The following CENPE variants were observed in gnomAD, a reference collection of about 807,000 sequenced individuals.
CENPE encodes the protein centromere protein E, also known as centromere-associated protein E.
In CENPE, 145 loss-of-function variants were observed where a neutral mutation model predicts 336.1. That is an observed-to-expected ratio of 0.43 (90% CI 0.38 to 0.50). The LOEUF is 0.50. CENPE is among the 20% of genes least tolerant of loss of function. The probability of loss-of-function intolerance (pLI) is 0.00; values close to 1 mark genes in which losing one functional copy is unlikely to be tolerated. For synonymous variants in CENPE, 1,013 were observed against 984.8 expected (o/e 1.03, Z -0.54); for missense variants, 2,719 against 3,023.3 (o/e 0.90, Z 2.36).
At chr4:103,177,857 C>T (rs1203793612) in intron 13 of CENPE, among the ~76,000 whole-genome samples, 1 of 152,006 alleles carries the variant, frequency 6.6e-6, no homozygotes, top group Non-Finnish European at 1.5e-5. Context: ...ACTCCAATAA[C>T]CTTCAGTTTA....
At chr4:103,158,228 T>C (rs1754122301) in intron 24 of CENPE, 72 bp downstream of exon 24, 3 of 1,087,990 alleles carry the variant, frequency 2.8e-6, no homozygotes, top group African/African-American at 1.6e-5. Flanking sequence ...GAGAATATTA[T>C]GCATTTAAGT....
chr4:103,139,218 C>A (rs1219863405), intron 38 of CENPE, among the ~76,000 whole-genome samples: 7 of 151,938 alleles, frequency 4.6e-5, no homozygotes, highest in Non-Finnish European at 7.4e-5. Context: ...AGTTCAGGCC[C>A]ACATAAAGAA....
At chr4:103,120,738 T>A (rs1750551684) in intron 43 of CENPE, among the ~76,000 whole-genome samples, 1 of 152,104 alleles carries the variant, frequency 6.6e-6, no homozygotes, top group East Asian at 1.9e-4. Flanking sequence ...TTTAATTTTA[T>A]TAATTTTTTT....
chr4:103,131,922 T>G (rs1199635036), intron 42 of CENPE, among the ~76,000 whole-genome samples: 4 of 152,158 alleles, frequency 2.6e-5, no homozygotes, highest in Non-Finnish European at 5.9e-5. Flanking sequence ...GTAAAAAGAT[T>G]AACAGTTGCC....
At chr4:103,155,962 T>C (rs1453349460) in intron 24 of CENPE, among the ~76,000 whole-genome samples, 1 of 152,028 alleles carries the variant, frequency 6.6e-6, no homozygotes, top group African/African-American at 2.4e-5. Flanking sequence ...CAATGAACGA[T>C]CCAAAGAAGA....
chr4:103,117,487 T>C (rs1750233489), intron 44 of CENPE, among the ~76,000 whole-genome samples: 1 of 152,066 alleles, frequency 6.6e-6, no homozygotes, highest in African/African-American at 2.4e-5. Context: ...CCCTGGCAAC[T>C]GTTTATTTTT....
chr4:103,146,143 AG>A (rs1452322690), intron 29 of CENPE, 36 bp from the exon 30 acceptor site: 3 of 1,575,418 alleles, frequency 1.9e-6, no homozygotes, highest in Non-Finnish European at 2.6e-6. Context: ...GTTGATATCC[AG>A]AGATATTGTG....
At chr4:103,160,371 A>G (rs1306197860) in intron 21 of CENPE, among the ~76,000 whole-genome samples, 1 of 152,000 alleles carries the variant, frequency 6.6e-6, no homozygotes, top group Non-Finnish European at 1.5e-5. Context: ...AGGACTACAG[A>G]AATGGCTGCT....
In CENPE at chr4:103,144,631, T is replaced by C. The variant is rs1244554660; in HGVS notation, c.4858-13A>G. ...GAGATTCTTTCATCTGAGAAAATTA[T>C]AAAGTAAGTTACAACATAGGCAGAA... On this transcript the variant is annotated splice_polypyrimidine_tract_variant and intron_variant, in intron 32 of 48. Coordinates refer to ENST00000265148, the MANE Select transcript of CENPE (RefSeq NM_001813.3). 2.5e-6 allele frequency: 4 copies of C among 1,576,034 alleles called. No individual in the cohort carries two copies. In the Admixed American group the frequency reaches 7.2e-5, roughly 29 times the overall value.
At chr4:103,162,816 C>G (rs887904267) in intron 18 of CENPE, among the ~76,000 whole-genome samples, 3 of 152,090 alleles carry the variant, frequency 2.0e-5, no homozygotes, top group Non-Finnish European at 2.9e-5. Flanking sequence ...CTTCGGCCTC[C>G]CAAAGTACTG....
At chr4:103,194,853 T>C (rs1757622858) in intron 5 of CENPE, among the ~76,000 whole-genome samples, 169 bp from the exon 6 acceptor site, 1 of 152,048 alleles carries the variant, frequency 6.6e-6, no homozygotes, top group Admixed American at 6.5e-5. Flanking sequence ...CCACAATTTA[T>C]TTCACATACC....
At chr4:103,163,103 T>G in intron 18 of CENPE, 34 bp downstream of exon 18, 1 of 1,577,326 alleles carries the variant, frequency 6.3e-7, no homozygotes. Context: ...TATATATTTA[T>G]GTGATTACAC....
At chr4:103,175,320 T>C (rs1755764584) in intron 15 of CENPE, among the ~76,000 whole-genome samples, 1 of 151,784 alleles carries the variant, frequency 6.6e-6, no homozygotes, top group South Asian at 2.1e-4. Flanking sequence ...TATATTATTA[T>C]AAGAGAAGAG....
chr4:103,120,938 G>A (rs770132604), intron 43 of CENPE, among the ~76,000 whole-genome samples: 26 of 152,236 alleles, frequency 1.7e-4, no homozygotes, highest in Admixed American at 1.2e-3. Flanking sequence ...GTTTCACCAC[G>A]TTGGCCAGGC....
chr4:103,114,370 A>C, intron 46 of CENPE, 85 bp downstream of exon 46: 1 of 797,984 alleles, frequency 1.3e-6, no homozygotes, highest in East Asian at 2.5e-5. Context: ...CTCGACTGTC[A>C]CATACTACAT....
At chr4:103,168,840 A>G (rs952484264) in intron 16 of CENPE, among the ~76,000 whole-genome samples, 12 of 152,216 alleles carry the variant, frequency 7.9e-5, no homozygotes, top group African/African-American at 2.9e-4. Context: ...ATAGATCTTG[A>G]AAAGACCTTA....
In CENPE at chr4:103,120,182, A is replaced by C; in HGVS notation, c.7295T>G (p.Leu2432Arg). Residue 2432 changes from leucine (L) to arginine (R), a missense_variant, in exon 44 of 49, where the codon CTT becomes CGT. Transcript: ENST00000265148. ...TTGAATTGTCTCTTTTGTTTTTTCA[A>C]GGCATTTATTTGATTCATGAACTTT... ...QAKVHESNKC[L>R]EKTKETIQVL... is the part of the protein sequence containing the mutation. 1 of 1,603,252 alleles carries C rather than the reference A, an allele frequency of 6.2e-7. No homozygotes were observed. The highest frequency in any genetic ancestry group is 8.5e-7 in the Non-Finnish European group (1 of 1,177,052).
At chr4:103,173,556 T>G (rs1290814890) in intron 16 of CENPE, among the ~76,000 whole-genome samples, 2 of 151,886 alleles carry the variant, frequency 1.3e-5, no homozygotes, top group Non-Finnish European at 2.9e-5. Flanking sequence ...GAGACAATAT[T>G]TGCAAAATAT....
rs1751714660 is a variant in CENPE at position 103,132,909 on chromosome 4, TA to T, written c.6721-14del. The T allele has an allele frequency of 1.6e-6, 2 of 1,267,300 alleles. No homozygotes were observed. Among genetic ancestry groups the T allele is most frequent in the Non-Finnish European group, 2.1e-6 (2 of 952,208 alleles). 78.5% of individuals were successfully genotyped at this position (1,267,300 alleles called of 1,614,324 possible). On this transcript the variant is annotated splice_polypyrimidine_tract_variant and intron_variant, in intron 41 of 48. Transcript: ENST00000265148. ...CTTTGAGAATTTCCTGTGTGAAAAA[TA>T]AGCGTCAAATTGTTTAAACATTAGG...
Sources: allele counts gnomAD v4.1 joint callset (sites outside exome capture counted in the v4.1 genomes callset), GRCh38; gene constraint gnomAD v4.1.1; transcripts MANE v1.5; gene names NCBI Gene and HGNC (gene_info 2026-07-23, HGNC 2026-07-21).